The following RABGAP1L variants were observed in gnomAD, a reference collection of about 807,000 sequenced individuals.
RABGAP1L encodes the protein rab GTPase-activating protein 1-like.
Under a neutral mutation model 137.7 loss-of-function variants are expected in RABGAP1L, and 63 were observed. The observed-to-expected ratio is 0.46, with a 90% confidence interval of 0.37 to 0.56. The LOEUF is 0.56. RABGAP1L is among the 20% of genes least tolerant of loss of function. The pLI is 0.00. For synonymous variants in RABGAP1L, 431 were observed against 433.7 expected (o/e 0.99, Z 0.08); for missense variants, 1,095 against 1,244.0 (o/e 0.88, Z 1.80).
Position 174,520,466 on chromosome 1 carries a change from C to G in RABGAP1L, c.1711-116909C>G, listed in dbSNP as rs1316022985. Among the ~76,000 whole-genome samples the G allele has an allele frequency of 5.3e-5, 8 of 152,278 alleles. No homozygotes were observed. The East Asian group carries it at 1.5e-3, about 29-fold the overall frequency. On this transcript the variant is annotated intron_variant, in intron 13 of 25. Coordinates refer to ENST00000681986, the MANE Select transcript of RABGAP1L (RefSeq NM_001366446.1). ...TATGATAAAAACTATTTAACAACATCAAATATATAAACTGAATTGTTTTTA... is the reference window on the plus strand; with the variant it reads ...TATGATAAAAACTATTTAACAACATGAAATATATAAACTGAATTGTTTTTA...
intron 13 of RABGAP1L, among the ~76,000 whole-genome samples, chr1:174,542,977 G>T (rs1025515509): frequency 6.6e-6 from 1 of 152,138 alleles, no homozygotes; most frequent in Non-Finnish European, 1.5e-5. Flanking sequence ...TATAATTTCT[G>T]TTCTTTAACA....
intron 15 of RABGAP1L, among the ~76,000 whole-genome samples, chr1:174,688,088 A>G (rs1254359487): frequency 6.6e-6 from 1 of 152,184 alleles, no homozygotes; most frequent in East Asian, 1.9e-4. Flanking sequence ...ATGTTATAGT[A>G]CAGATTGCCT....
intron 14 of RABGAP1L, among the ~76,000 whole-genome samples, chr1:174,678,841 G>A (rs1677841477): frequency 6.6e-6 from 1 of 152,246 alleles, no homozygotes; most frequent in South Asian, 2.1e-4. Flanking sequence ...CCAATTGGGA[G>A]CGGCAGTGGG....
chr1:174,315,000 A>G (rs986360030), intron 11 of RABGAP1L, among the ~76,000 whole-genome samples: 8 of 152,172 alleles, frequency 5.3e-5, no homozygotes. Context: ...AATATCTATG[A>G]GGTCCATTAG....
intron 13 of RABGAP1L, among the ~76,000 whole-genome samples, chr1:174,547,029 C>CAAAAAAAAAA (rs375413887): frequency 8.9e-5 from 7 of 78,242 alleles, no homozygotes; most frequent in Admixed American, 1.4e-4. Context: ...GACTCTGTCT[C>CAAAAAAAAAA]AAAAAAAAAA....
intron 19 of RABGAP1L, among the ~76,000 whole-genome samples, chr1:174,931,510 T>A (rs1008951458): frequency 1.3e-5 from 2 of 152,208 alleles, no homozygotes; most frequent in Non-Finnish European, 2.9e-5. Context: ...CATGTTTTTT[T>A]AAAAAGAGAC....
At chr1:174,629,899 G>T (rs557942279) in intron 13 of RABGAP1L, among the ~76,000 whole-genome samples, 1 of 152,284 alleles carries the variant, frequency 6.6e-6, no homozygotes, top group Admixed American at 6.5e-5. Context: ...AATATGGAAG[G>T]TCAAGTGTGC....
At chr1:174,290,495 G>A (rs1676492085) in intron 10 of RABGAP1L, among the ~76,000 whole-genome samples, 1 of 152,086 alleles carries the variant, frequency 6.6e-6, no homozygotes, top group Non-Finnish European at 1.5e-5. Context: ...TCTAAGTTTT[G>A]TGCTTCTGGA....
At chr1:174,159,856 A>G (rs57919173) in intron 1 of RABGAP1L, 199 bp downstream of exon 1, 89,318 of 152,078 alleles carry the variant, frequency 0.59, 29,209 homozygotes, top group African/African-American at 0.9. Flanking sequence ...CCTCCCGGAC[A>G]CCGCAGTTCT....
At chr1:174,402,379 A>G (rs1648706044) in intron 13 of RABGAP1L, among the ~76,000 whole-genome samples, 1 of 152,200 alleles carries the variant, frequency 6.6e-6, no homozygotes, top group Non-Finnish European at 1.5e-5. Context: ...TAAAAGCACT[A>G]TCTCATTTCT....
chr1:174,520,661 G>A (rs762699563), intron 13 of RABGAP1L, among the ~76,000 whole-genome samples: 38 of 152,054 alleles, frequency 2.5e-4, no homozygotes, highest in Non-Finnish European at 3.5e-4. Context: ...TTAAAATGGC[G>A]TGTGAATAAT....
chr1:174,431,689 G>T (rs539796262), intron 13 of RABGAP1L, among the ~76,000 whole-genome samples: 1 of 152,266 alleles, frequency 6.6e-6, no homozygotes, highest in East Asian at 1.9e-4. Context: ...AAAATATAGA[G>T]TTATGTATTA....
At chr1:174,505,630 T>G (rs1191783421) in intron 13 of RABGAP1L, among the ~76,000 whole-genome samples, 1 of 152,118 alleles carries the variant, frequency 6.6e-6, no homozygotes, top group African/African-American at 2.4e-5. Context: ...AGAATGACTG[T>G]TAGCAAAAAG....
intron 18 of RABGAP1L, among the ~76,000 whole-genome samples, chr1:174,754,145 C>G (rs1469657977): frequency 1.3e-5 from 2 of 152,154 alleles, no homozygotes; most frequent in Admixed American, 6.6e-5. Context: ...TGTCTGTCTT[C>G]TTTAGCAATA....
At position 174,790,794 on chromosome 1, in the gene RABGAP1L, G is replaced by T. The variant is rs1322369719; in HGVS notation, c.2212-21038G>T. Among the ~76,000 whole-genome samples the T allele has an allele frequency of 2.0e-5, 3 of 151,606 alleles. No homozygotes were observed. The East Asian group carries it at 5.8e-4, about 29-fold the overall frequency. ...GTGTGTGTGTGTGTGTGGGCAGGGG[G>T]CGGGGGGTATGTGTTTATGTATGGT... On this transcript the variant is annotated intron_variant, in intron 18 of 25. Coordinates refer to ENST00000681986, the MANE Select transcript of RABGAP1L (RefSeq NM_001366446.1).
chr1:174,320,568 T>C (rs568642098), intron 11 of RABGAP1L, among the ~76,000 whole-genome samples: 43 of 152,292 alleles, frequency 2.8e-4, no homozygotes, highest in African/African-American at 7.9e-4. Context: ...GCTGAAGCCA[T>C]GGCAGAAGAA....
intron 18 of RABGAP1L, among the ~76,000 whole-genome samples, chr1:174,782,808 G>A (rs1687115930): frequency 1.3e-5 from 2 of 152,134 alleles, no homozygotes; most frequent in Admixed American, 6.6e-5. Context: ...TGACCAATCA[G>A]GTAGTAAAGA....
At chr1:174,397,614 T>G (rs1648030567) in intron 13 of RABGAP1L, among the ~76,000 whole-genome samples, 1 of 152,226 alleles carries the variant, frequency 6.6e-6, no homozygotes, top group African/African-American at 2.4e-5. Flanking sequence ...TTGAAATAGT[T>G]TACCTGATTA....
intron 1 of RABGAP1L, among the ~76,000 whole-genome samples, chr1:174,172,903 A>G (rs950172430): frequency 2.6e-5 from 4 of 152,062 alleles, no homozygotes; most frequent in African/African-American, 9.7e-5. Flanking sequence ...CTTTTGGTGT[A>G]GTATCCACCA....
Sources: allele counts gnomAD v4.1 joint callset (sites outside exome capture counted in the v4.1 genomes callset), GRCh38; gene constraint gnomAD v4.1.1; transcripts MANE v1.5; gene names NCBI Gene and HGNC (gene_info 2026-07-23, HGNC 2026-07-21).